Variants in GNB1 observed in about 807,000 individuals in gnomAD.
GNB1 encodes G protein subunit beta 1.
In GNB1, 2 loss-of-function variants were observed where a neutral mutation model predicts 42.9. That is an observed-to-expected ratio of 0.05 (90% CI 0.02 to 0.15). The LOEUF (loss-of-function observed/expected upper bound fraction) is 0.15, where lower values mean the gene tolerates loss of function less well. Ranked by LOEUF, GNB1 falls within the 10% of genes least tolerant of loss-of-function variation. The probability of loss-of-function intolerance (pLI) is 1.00; values close to 1 mark genes in which losing one functional copy is unlikely to be tolerated. For synonymous variants in GNB1, 183 were observed against 174.7 expected (o/e 1.05, Z -0.38); for missense variants, 193 against 462.2 (o/e 0.42, Z 5.34).
rs142975574 is a variant in GNB1 at position 1,802,238 on chromosome 1, A to G, written c.430+2181T>C. ...CCGAGATACAACAAAAACACATATCATTCCCATGTGCACACAGCGCGGCCA... is the reference window on the plus strand; with the variant it reads ...CCGAGATACAACAAAAACACATATCGTTCCCATGTGCACACAGCGCGGCCA... On this transcript the variant is annotated intron_variant, in intron 7 of 11. Coordinates refer to ENST00000378609, the MANE Select transcript of GNB1 (RefSeq NM_002074.5). 9.8e-5 allele frequency among the ~76,000 whole-genome samples: 15 copies of G among 152,306 alleles called. No individual in the cohort carries two copies. The East Asian group carries it at 2.7e-3, about 27-fold the overall frequency.
chr1:1,886,288 A>C (rs1650152062), intron 1 of GNB1, among the ~76,000 whole-genome samples: 1 of 152,182 alleles, frequency 6.6e-6, no homozygotes, highest in African/African-American at 2.4e-5. Context: ...ACTGCACTCC[A>C]GACTGGGTGG....
chr1:1,881,334 C>T (rs1649835514), intron 1 of GNB1, among the ~76,000 whole-genome samples: 2 of 152,124 alleles, frequency 1.3e-5, no homozygotes, highest in South Asian at 2.1e-4. Flanking sequence ...GAGCACTCTA[C>T]GCTCAACTAC....
intron 2 of GNB1, among the ~76,000 whole-genome samples, chr1:1,833,336 C>G (rs566204414): frequency 6.6e-6 from 1 of 152,244 alleles, no homozygotes; most frequent in Admixed American, 6.5e-5. Flanking sequence ...CTTTCATTCC[C>G]AAGTCCAGGT....
chr1:1,817,617 G>A (rs1646874859), intron 4 of GNB1: 2 of 443,052 alleles, frequency 4.5e-6, no homozygotes, highest in African/African-American at 3.9e-5. Context: ...TCTGTAACAG[G>A]TAGATGATTA....
intron 8 of GNB1, among the ~76,000 whole-genome samples, chr1:1,792,696 CAA>C (rs374752641): frequency 0.03 from 3,107 of 102,680 alleles, 97 homozygotes; most frequent in African/African-American, 0.1. Context: ...GACTCTATCT[CAA>C]AAAAAAAAAA....
chr1:1,792,638 C>T (rs912399071), intron 8 of GNB1, among the ~76,000 whole-genome samples: 22 of 135,152 alleles, frequency 1.6e-4, no homozygotes, highest in Admixed American at 1.6e-3. Context: ...GCAGAGGTTG[C>T]AATGAGCCGA....
At chr1:1,850,494 C>T (rs1393308122) in intron 1 of GNB1, among the ~76,000 whole-genome samples, 1 of 151,928 alleles carries the variant, frequency 6.6e-6, no homozygotes, top group African/African-American at 2.4e-5. Flanking sequence ...TTTCTATTGA[C>T]CTATCTTCAG....
chr1:1,890,368 A>G (rs903630611), intron 1 of GNB1: 14 of 149,640 alleles, frequency 9.4e-5, no homozygotes, highest in African/African-American at 3.2e-4. Context: ...AGTCACCCCG[A>G]TAGGCGGCCC....
Position 1,815,806 on chromosome 1 carries a change from C to A in GNB1, c.153G>T (p.Leu51=). The change falls in exon 5 of 12, where the codon CTG becomes CTT. Residue 51 remains leucine (L), a synonymous_variant. Coordinates refer to ENST00000378609, the MANE Select transcript of GNB1 (RefSeq NM_002074.5). ...GRIQMRTRRT[L]RGHLAKIYAM... ...CGTAGATCTTGGCCAGGTGCCCCCGCAGTGTCCTCCTCGTGCGCATTTGGA... is the reference window on the plus strand; with the variant it reads ...CGTAGATCTTGGCCAGGTGCCCCCGAAGTGTCCTCCTCGTGCGCATTTGGA... The A allele has an allele frequency of 6.2e-7, 1 of 1,611,580 alleles. No homozygotes were observed. The highest frequency in any genetic ancestry group is 8.5e-7 in the Non-Finnish European group (1 of 1,177,824).
At chr1:1,822,539 T>C (rs1465789963) in intron 3 of GNB1, among the ~76,000 whole-genome samples, 2 of 151,980 alleles carry the variant, frequency 1.3e-5, no homozygotes, top group Non-Finnish European at 2.9e-5. Flanking sequence ...ATGGTATCGA[T>C]CTCCTGACCT....
At chr1:1,843,616 G>T (rs1007271274) in intron 1 of GNB1, among the ~76,000 whole-genome samples, 5 of 152,124 alleles carry the variant, frequency 3.3e-5, no homozygotes, top group Admixed American at 6.6e-5. Flanking sequence ...AATCACCTTA[G>T]CCTGGATTCA....
At chr1:1,858,757 GAGCCAC>G (rs1648441211) in intron 1 of GNB1, among the ~76,000 whole-genome samples, 1 of 152,176 alleles carries the variant, frequency 6.6e-6, no homozygotes, top group African/African-American at 2.4e-5. Flanking sequence ...GACACCAAGG[GAGCCAC>G]AGCTCGAGGG....
intron 1 of GNB1, among the ~76,000 whole-genome samples, chr1:1,842,766 T>G (rs1422570374): frequency 6.6e-6 from 1 of 152,230 alleles, no homozygotes; most frequent in East Asian, 1.9e-4. Context: ...AATCATTCAC[T>G]TTAAAATGGT....
rs572482897 is a variant in GNB1, at chr1:1,852,478, C to T, written c.-95-13240G>A. 2.0e-4 allele frequency among the ~76,000 whole-genome samples: 30 copies of T among 152,146 alleles called. No homozygotes were observed. The East Asian group carries it at 5.6e-3, about 28-fold the overall frequency. ...ATCTCCTGACCTCGCGACCCGCCCG[C>T]CTCAGTCTCCCAAAGTGCTAGGATT... On this transcript the variant is annotated intron_variant, in intron 1 of 11. Coordinates refer to ENST00000378609, the MANE Select transcript of GNB1 (RefSeq NM_002074.5).
intron 1 of GNB1, among the ~76,000 whole-genome samples, chr1:1,846,318 G>A (rs1366285594): frequency 6.6e-6 from 1 of 152,146 alleles, no homozygotes; most frequent in Non-Finnish European, 1.5e-5. Flanking sequence ...TGTAATCTCA[G>A]CAGTTTGGGA....
At chr1:1,865,540 T>C (rs1310595954) in intron 1 of GNB1, among the ~76,000 whole-genome samples, 1 of 151,918 alleles carries the variant, frequency 6.6e-6, no homozygotes, top group Non-Finnish European at 1.5e-5. Flanking sequence ...GAGCCAAGAT[T>C]GTGCCACCGC....
chr1:1,807,770 C>G (rs2100747049), intron 5 of GNB1, among the ~76,000 whole-genome samples: 1 of 151,648 alleles, frequency 6.6e-6, no homozygotes, highest in South Asian at 2.1e-4. Context: ...TGCAGTGGCG[C>G]CATCTCGGCT....
At chr1:1,830,053 C>T (rs1647054696) in intron 2 of GNB1, among the ~76,000 whole-genome samples, 1 of 151,252 alleles carries the variant, frequency 6.6e-6, no homozygotes, top group African/African-American at 2.4e-5. Context: ...CATCTTTTTT[C>T]TACACACACC....
intron 3 of GNB1, 36 bp downstream of exon 3, chr1:1,825,361 A>T: frequency 6.8e-7 from 1 of 1,478,918 alleles, no homozygotes; most frequent in Non-Finnish European, 9.5e-7. Flanking sequence ...CTGAAACTCA[A>T]ATGATTAATA....
Sources: allele counts gnomAD v4.1 joint callset (sites outside exome capture counted in the v4.1 genomes callset), GRCh38; gene constraint gnomAD v4.1.1; transcripts MANE v1.5; gene names NCBI Gene and HGNC (gene_info 2026-07-23, HGNC 2026-07-21).